The following SCFD2 variants were observed in gnomAD, a reference collection of about 807,000 sequenced individuals.
The protein encoded by SCFD2 is sec1 family domain containing 2, also known as sec1 family domain-containing protein 2.
In SCFD2, 54 loss-of-function variants were observed where a neutral mutation model predicts 58.9. That is an observed-to-expected ratio of 0.92 (90% CI 0.74 to 1.15). SCFD2 has a LOEUF of 1.15. Ranked by LOEUF, SCFD2 falls within the 50% of genes most tolerant of loss-of-function variation. The probability of loss-of-function intolerance (pLI) is 0.00; values close to 1 mark genes in which losing one functional copy is unlikely to be tolerated. For missense variants in SCFD2, 805 were observed against 836.6 expected, an observed-to-expected ratio of 0.96 and a Z score of 0.47; for synonymous variants, 321 against 335.9, an observed-to-expected ratio of 0.96 and a Z score of 0.49.
intron 4 of SCFD2, among the ~76,000 whole-genome samples, chr4:53,162,494 G>A (rs1287668248): frequency 2.0e-5 from 3 of 152,194 alleles, no homozygotes; most frequent in African/African-American, 7.2e-5. Flanking sequence ...TCTAGTTCTA[G>A]ATCCCTGAGG....
intron 5 of SCFD2, among the ~76,000 whole-genome samples, chr4:53,102,525 A>G (rs1189280007): frequency 1.3e-5 from 2 of 152,102 alleles, no homozygotes; most frequent in Non-Finnish European, 2.9e-5. Flanking sequence ...AAGAACTTTT[A>G]AAAGTTGATG....
intron 5 of SCFD2, among the ~76,000 whole-genome samples, chr4:53,014,239 GT>G (rs1290662719): frequency 6.6e-6 from 1 of 152,174 alleles, no homozygotes; most frequent in African/African-American, 2.4e-5. Flanking sequence ...GGCAGTGATT[GT>G]TCCAGGCAAA....
chr4:53,351,805 G>A (rs749767664), intron 2 of SCFD2, among the ~76,000 whole-genome samples: 1 of 152,058 alleles, frequency 6.6e-6, no homozygotes, highest in Non-Finnish European at 1.5e-5. Context: ...AAAACTTCAG[G>A]AGCTACATAT....
At chr4:53,320,084 A>G (rs1275033630) in intron 2 of SCFD2, among the ~76,000 whole-genome samples, 1 of 152,226 alleles carries the variant, frequency 6.6e-6, no homozygotes, top group Non-Finnish European at 1.5e-5. Context: ...TCATTTAATA[A>G]CAACAACCTT....
intron 4 of SCFD2, among the ~76,000 whole-genome samples, chr4:53,200,171 T>C (rs1411279041): frequency 2.0e-5 from 3 of 152,138 alleles, no homozygotes; most frequent in Non-Finnish European, 4.4e-5. Flanking sequence ...TCTATAGCAC[T>C]GAGGTCATTG....
rs73149233 is a variant in SCFD2, at chr4:53,287,705, A to G, written c.1136-13704T>C. ...AAAAGCAAGTAAACATGATGCCACC[A>G]AAGGAAAACAATTGTTCTCCAATAA... On this transcript the variant is annotated intron_variant, in intron 3 of 8. Transcript: ENST00000401642. 8.8e-3 allele frequency among the ~76,000 whole-genome samples: 1,334 copies of G among 152,362 alleles called. 19 individuals are homozygous for G. The highest frequency in any genetic ancestry group is 0.03 in the African/African-American group (1,258 of 41,576).
At chr4:53,156,208 G>A (rs1168413772) in intron 4 of SCFD2, among the ~76,000 whole-genome samples, 1 of 151,752 alleles carries the variant, frequency 6.6e-6, no homozygotes, top group African/African-American at 2.4e-5. Flanking sequence ...AGAGCAGCCT[G>A]GCCAATATGG....
chr4:53,121,317 G>A (rs1725471397), intron 5 of SCFD2, among the ~76,000 whole-genome samples: 1 of 152,116 alleles, frequency 6.6e-6, no homozygotes, highest in South Asian at 2.1e-4. Context: ...CCCTTCTAAG[G>A]GGCAACCATG....
chr4:52,934,612 G>A (rs1720090394), intron 5 of SCFD2, among the ~76,000 whole-genome samples: 1 of 152,120 alleles, frequency 6.6e-6, no homozygotes, highest in Non-Finnish European at 1.5e-5. Context: ...AGGGCCTTCT[G>A]CAAAGCTTCA....
At chr4:53,349,663 G>T (rs576547351) in intron 2 of SCFD2, among the ~76,000 whole-genome samples, 1 of 152,348 alleles carries the variant, frequency 6.6e-6, no homozygotes, top group South Asian at 2.1e-4. Context: ...GCTTGTAATA[G>T]AATCAGTGCT....
chr4:53,326,563 A>T (rs916752272), intron 2 of SCFD2, among the ~76,000 whole-genome samples: 2 of 152,234 alleles, frequency 1.3e-5, no homozygotes, highest in African/African-American at 4.8e-5. Flanking sequence ...AACGTTAGAG[A>T]TATTCCTCTT....
chr4:53,223,925 A>G (rs1729121900), intron 4 of SCFD2, among the ~76,000 whole-genome samples: 1 of 152,264 alleles, frequency 6.6e-6, no homozygotes, highest in East Asian at 1.9e-4. Flanking sequence ...AAAGAAAATA[A>G]GAATCTCACA....
At chr4:53,249,973 A>C (rs1041782889) in intron 4 of SCFD2, among the ~76,000 whole-genome samples, 1 of 152,226 alleles carries the variant, frequency 6.6e-6, no homozygotes, top group Non-Finnish European at 1.5e-5. Context: ...ATGTAAATGA[A>C]CTAAATGCTC....
intron 4 of SCFD2, among the ~76,000 whole-genome samples, chr4:53,233,341 G>A (rs748305194): frequency 1.3e-5 from 2 of 152,070 alleles, no homozygotes; most frequent in Non-Finnish European, 2.9e-5. Flanking sequence ...TTCCCTTTTG[G>A]TCATGCAAGA....
intron 5 of SCFD2, among the ~76,000 whole-genome samples, chr4:52,985,064 G>A (rs983121429): frequency 1.3e-5 from 2 of 152,146 alleles, no homozygotes; most frequent in African/African-American, 2.4e-5. Flanking sequence ...AACACAGTTC[G>A]CTCATTTAAT....
chr4:53,059,590 G>A (rs552347475), intron 5 of SCFD2, among the ~76,000 whole-genome samples: 2 of 132,758 alleles, frequency 1.5e-5, no homozygotes, highest in South Asian at 5.5e-4. Flanking sequence ...TTTTGCAAAT[G>A]TCTTTTGGTA....
intron 4 of SCFD2, among the ~76,000 whole-genome samples, chr4:53,155,361 C>G (rs1443538875): frequency 6.6e-6 from 1 of 152,228 alleles, no homozygotes; most frequent in Non-Finnish European, 1.5e-5. Flanking sequence ...TCAGCCCTCT[C>G]TTGCTCTCTC....
intron 4 of SCFD2, among the ~76,000 whole-genome samples, chr4:53,183,236 A>G (rs1045045735): frequency 1.3e-5 from 2 of 152,228 alleles, no homozygotes; most frequent in Non-Finnish European, 2.9e-5. Context: ...ACAATAGGAA[A>G]GACTTGGAAC....
intron 5 of SCFD2, among the ~76,000 whole-genome samples, chr4:53,003,327 A>C (rs1721905367): frequency 6.6e-6 from 1 of 152,232 alleles, no homozygotes; most frequent in South Asian, 2.1e-4. Context: ...TGTTCAATAC[A>C]GTAATCAGTA....
Sources: gnomAD v4.1 joint callset for allele counts (sites outside exome capture counted in the v4.1 genomes callset) on GRCh38, gnomAD v4.1.1 for gene constraint, MANE v1.5 for transcripts, NCBI Gene and HGNC (gene_info 2026-07-23, HGNC 2026-07-21) for gene names.